Variants in TAOK3 observed in about 807,000 individuals in gnomAD.
The protein encoded by TAOK3 is serine/threonine-protein kinase TAO3.
TAOK3 carries 40 observed loss-of-function variants against 120.4 expected under a neutral mutation model. That is an observed-to-expected ratio of 0.33 (90% CI 0.26 to 0.43). The LOEUF (loss-of-function observed/expected upper bound fraction) is 0.43. TAOK3 is among the 20% of genes least tolerant of loss of function. TAOK3 has a pLI of 1.00. For missense variants in TAOK3, 821 were observed against 1,112.1 expected, an observed-to-expected ratio of 0.74 and a Z score of 3.72; for synonymous variants, 355 against 387.5, an observed-to-expected ratio of 0.92 and a Z score of 0.99.
chr12:118,296,315 G>T (rs373796483), intron 1 of TAOK3, among the ~76,000 whole-genome samples: 1 of 152,066 alleles, frequency 6.6e-6, no homozygotes, highest in Non-Finnish European at 1.5e-5. Context: ...TGTATTTTTC[G>T]TAGAGACAGG....
chr12:118,206,937 A>G (rs1011725521), intron 11 of TAOK3, among the ~76,000 whole-genome samples: 12 of 152,068 alleles, frequency 7.9e-5, no homozygotes, highest in African/African-American at 2.7e-4. Flanking sequence ...AAACCCCTAC[A>G]ACTGGAATGC....
Position 118,150,952 on chromosome 12 carries a change from T to C in TAOK3, c.*45A>G, listed in dbSNP as rs1433874906. On this transcript the variant is annotated 3_prime_UTR_variant, in exon 21 of 21. Transcript: ENST00000392533. ...TTTGCAGGGTCTGAATTTTTTTCTG[T>C]TTTCTTTTTTTTTTTTTTTTTTGTA... The C allele has an allele frequency of 6.5e-7, 1 of 1,528,052 alleles. No individual in the cohort carries two copies. The highest frequency in any genetic ancestry group is 8.8e-7 in the Non-Finnish European group (1 of 1,140,190). 94.7% of individuals were successfully genotyped at this position (1,528,052 alleles called of 1,614,324 possible). A position where few individuals can be genotyped will look rare whatever the true frequency, so the allele number is the denominator to read the frequency against.
chr12:118,371,618 G>C lies in TAOK3; in HGVS notation c.-194+1030C>G, dbSNP rs2045895711. Among the ~76,000 whole-genome samples, 1 of 152,102 alleles carries C rather than the reference G, an allele frequency of 6.6e-6. No homozygotes were observed. The highest frequency in any genetic ancestry group is 1.5e-5 in the Non-Finnish European group (1 of 67,996). ...GAGCACCTCCCCGCTCCACTCGTCT[G>C]CGCTGCAGCCGGTTCCTATTTGCCC... On this transcript the variant is annotated intron_variant, in intron 1 of 20. Coordinates refer to ENST00000392533, the MANE Select transcript of TAOK3 (RefSeq NM_016281.4). This position sits in a 1 kb window ranked among gnomAD's most constrained non-coding sequence, Gnocchi z 5.5.
In TAOK3 at chr12:118,262,845, C is replaced by T. The variant is rs186130654; in HGVS notation, c.-89+3810G>A. Among the ~76,000 whole-genome samples the T allele has an allele frequency of 1.2e-3, 160 of 133,376 alleles. 1 individual carries two copies. The highest frequency in any genetic ancestry group is 2.0e-3 in the Non-Finnish European group (125 of 61,982). The allele number at this position is 133,376 out of a possible 152,430, so 87.5% of individuals were successfully genotyped here. A position where few individuals can be genotyped will look rare whatever the true frequency, so the allele number is the denominator to read the frequency against. On this transcript the variant is annotated intron_variant, in intron 2 of 20. Transcript: ENST00000392533. ...CCGTCTCAAAAAAAAAAAAAAAAAG[C>T]GAAATACTTAGGGATCAATGCGACA...
rs185505874 is a variant in TAOK3 at position 118,329,696 on chromosome 12, A to G, written c.-194+42952T>C. 1.1e-3 allele frequency among the ~76,000 whole-genome samples: 173 copies of G among 152,302 alleles called. 1 individual carries two copies. Among genetic ancestry groups the G allele is most frequent in the African/African-American group, 3.8e-3 (157 of 41,574 alleles). On this transcript the variant is annotated intron_variant, in intron 1 of 20. Transcript: ENST00000392533. Reference sequence around the variant, plus strand: ...GTGCCCTCTTCTTAAAATGGAAAGTAACATTCAATTAACTACTGCAAAGCT... The same window carrying G: ...GTGCCCTCTTCTTAAAATGGAAAGTGACATTCAATTAACTACTGCAAAGCT...
At chr12:118,246,060 G>T in intron 3 of TAOK3, 1 of 900,832 alleles carries the variant, frequency 1.1e-6, no homozygotes, top group South Asian at 1.8e-5. Flanking sequence ...TAAAAGAATT[G>T]CTTCTTTTCC....
intron 16 of TAOK3, among the ~76,000 whole-genome samples, chr12:118,174,669 C>T (rs2036211890): frequency 6.6e-6 from 1 of 151,838 alleles, no homozygotes; most frequent in African/African-American, 2.4e-5. Context: ...TTTTATTTTA[C>T]GATTTTTTTT....
chr12:118,338,333 C>T (rs12229607), intron 1 of TAOK3, among the ~76,000 whole-genome samples: 30,671 of 151,982 alleles, frequency 0.2, 3,334 homozygotes, highest in African/African-American at 0.29. Context: ...GAAGAGACAG[C>T]GACTGTTTTA....
chr12:118,268,132 T>A (rs559535834), intron 1 of TAOK3, among the ~76,000 whole-genome samples: 1 of 152,288 alleles, frequency 6.6e-6, no homozygotes, highest in African/African-American at 2.4e-5. Context: ...GTCTGTCTTA[T>A]GGAAGAGCTG....
intron 1 of TAOK3, among the ~76,000 whole-genome samples, chr12:118,320,949 C>T (rs1030890488): frequency 6.6e-6 from 1 of 152,044 alleles, no homozygotes. Flanking sequence ...TAACAAGAAG[C>T]AGATCTATAG....
At chr12:118,244,584 A>T (rs2040404935) in intron 4 of TAOK3, among the ~76,000 whole-genome samples, 1 of 139,636 alleles carries the variant, frequency 7.2e-6, no homozygotes, top group Admixed American at 7.9e-5. Flanking sequence ...GCTGGAGTGC[A>T]GCGGCGTGAT....
intron 7 of TAOK3, among the ~76,000 whole-genome samples, chr12:118,237,739 GA>G (rs1323160711): frequency 6.6e-6 from 1 of 152,114 alleles, no homozygotes; most frequent in Non-Finnish European, 1.5e-5. Context: ...TCTGCTAACA[GA>G]TAAATATATG....
chr12:118,309,957 C>G (rs564278092), intron 1 of TAOK3, among the ~76,000 whole-genome samples: 5 of 152,158 alleles, frequency 3.3e-5, no homozygotes, highest in African/African-American at 1.2e-4. Flanking sequence ...TAGGCAACTC[C>G]CTCCCTTCTC....
At position 118,308,652 on chromosome 12, in the gene TAOK3, G is replaced by A. The variant is rs143492806; in HGVS notation, c.-193-41893C>T. ...GTGTAGAAAAGTCTGTAATTTGGCC[G>A]GGCGCGGTGGCTCACACCTGTAATG... On this transcript the variant is annotated intron_variant, in intron 1 of 20. Coordinates refer to ENST00000392533, the MANE Select transcript of TAOK3 (RefSeq NM_016281.4). Among the ~76,000 whole-genome samples, 381 of 152,170 alleles carry A rather than the reference G, an allele frequency of 2.5e-3. 1 individual carries two copies. The highest frequency in any genetic ancestry group is 0.02 in the Middle Eastern group (6 of 294).
chr12:118,290,548 C>T (rs1566070801), intron 1 of TAOK3, among the ~76,000 whole-genome samples: 1 of 152,080 alleles, frequency 6.6e-6, no homozygotes, highest in Non-Finnish European at 1.5e-5. Flanking sequence ...AGTATCTCTC[C>T]ATTAGGACCA....
chr12:118,214,125 A>C lies in TAOK3; in HGVS notation c.644-15T>G, dbSNP rs765299318. 1.3e-6 allele frequency: 2 copies of C among 1,599,836 alleles called. No individual in the cohort carries two copies. The highest frequency in any genetic ancestry group is 1.7e-6 in the Non-Finnish European group (2 of 1,173,316). The stretch of plus-strand genomic sequence containing the variant: ...CTTCCGTTCCGCTGGAAGAGGAAAG[A>C]AACACAATAAAGTAGTTCTTGAAGG... On this transcript the variant is annotated splice_polypyrimidine_tract_variant and intron_variant, in intron 9 of 20. Transcript: ENST00000392533.
chr12:118,357,683 C>A (rs2045452610), intron 1 of TAOK3, among the ~76,000 whole-genome samples: 2 of 152,202 alleles, frequency 1.3e-5, no homozygotes, highest in Admixed American at 6.5e-5. Context: ...CGAAGCACCA[C>A]CCACTTCCTC....
chr12:118,219,170 G>C (rs1403838407), intron 9 of TAOK3, among the ~76,000 whole-genome samples: 3 of 152,062 alleles, frequency 2.0e-5, no homozygotes, highest in Non-Finnish European at 4.4e-5. Context: ...AAAGAACCAA[G>C]CTCGGTGTTT....
At chr12:118,175,761 G>C (rs945953800) in intron 16 of TAOK3, among the ~76,000 whole-genome samples, 1 of 152,148 alleles carries the variant, frequency 6.6e-6, no homozygotes, top group Admixed American at 6.5e-5. Flanking sequence ...AGGTTTATGA[G>C]AAGAAAAGTC....
Sources: allele counts gnomAD v4.1 joint callset (sites outside exome capture counted in the v4.1 genomes callset), GRCh38; gene constraint gnomAD v4.1.1; non-coding constraint Gnocchi (gnomAD v3.1); transcripts MANE v1.5; gene names NCBI Gene and HGNC (gene_info 2026-07-23, HGNC 2026-07-21).